The following MNAT1 variants were observed in gnomAD, a reference collection of about 807,000 sequenced individuals.
The protein encoded by MNAT1 is CDK-activating kinase assembly factor MAT1.
Under a neutral mutation model 42.0 loss-of-function variants are expected in MNAT1, and 43 were observed. That is an observed-to-expected ratio of 1.02 (90% confidence interval 0.80 to 1.32). The LOEUF (loss-of-function observed/expected upper bound fraction) is 1.32. Among genes scored for constraint, MNAT1 ranks in the 40% most tolerant of loss-of-function variants. The pLI is 0.00. For missense variants in MNAT1, 306 were observed against 350.4 expected (o/e 0.87, Z 1.01); for synonymous variants, 118 against 120.0 (o/e 0.98, Z 0.11).
chr14:60,814,813 C>G (rs1012345213), intron 5 of MNAT1, among the ~76,000 whole-genome samples: 15 of 152,104 alleles, frequency 9.9e-5, no homozygotes, highest in Non-Finnish European at 1.6e-4. Context: ...AATAATGACG[C>G]CTTCCCTAGC....
chr14:60,787,234 G>A (rs1238288393), intron 1 of MNAT1, among the ~76,000 whole-genome samples: 3 of 152,136 alleles, frequency 2.0e-5, no homozygotes, highest in Admixed American at 1.3e-4. Context: ...GCACAATAAA[G>A]TGTGTCACAC....
At chr14:60,925,153 A>T (rs1005088454) in intron 7 of MNAT1, among the ~76,000 whole-genome samples, 1 of 152,342 alleles carries the variant, frequency 6.6e-6, no homozygotes, top group South Asian at 2.1e-4. Context: ...TTCCCTAAAC[A>T]ATACACGACA....
At position 60,785,937 on chromosome 14, in the gene MNAT1, G is replaced by T. The variant is rs186504101; in HGVS notation, c.90-10280G>T. ...TGGATGCTTGATAAATATTGACCTA[G>T]AAGAAATAGTTTAAAAAATGAATTA... is the stretch of plus-strand genomic sequence containing the variant. On this transcript the variant is annotated intron_variant, in intron 1 of 7. Transcript: ENST00000261245. Among the ~76,000 whole-genome samples the T allele has an allele frequency of 4.2e-4, 64 of 152,106 alleles. 1 individual carries two copies. The highest frequency in any genetic ancestry group is 1.4e-3 in the African/African-American group (58 of 41,520).
intron 7 of MNAT1, chr14:60,880,152 T>G (rs1195371302): frequency 5.5e-6 from 1 of 182,480 alleles, no homozygotes; most frequent in Non-Finnish European, 1.1e-5. Flanking sequence ...ATTTAGTTAG[T>G]AGTAAGCCAA....
In MNAT1 at chr14:60,875,173, C is replaced by T. The variant is rs562405118; in HGVS notation, c.688-4541C>T. 3.2e-4 allele frequency among the ~76,000 whole-genome samples: 49 copies of T among 152,128 alleles called. 1 individual carries two copies. Among genetic ancestry groups the T allele is most frequent in the Admixed American group, 1.8e-3 (28 of 15,254 alleles). On this transcript the variant is annotated intron_variant, in intron 6 of 7. Coordinates refer to ENST00000261245, the MANE Select transcript of MNAT1 (RefSeq NM_002431.4). ...TATGGTATTTTATGTACCTGAGCTA[C>T]TAGAATTTATATAAAAAATTGGTTT...
Position 60,818,726 on chromosome 14 carries a change from G to A in MNAT1, c.566G>A (p.Ser189Asn). ...GAACTTGAACTATTCTTACAGGAGA[G>A]TTCTGATCTCCCTGTTGCTCTGCTT... ...NKQAFLDELE[S>N]SDLPVALLLA... The change falls in exon 6 of 8, where the codon AGT becomes AAT. Residue 189 changes from serine (S) to asparagine (N), a missense_variant. Physicochemically the swap from Ser to Asn is conservative, Grantham distance 46. Around this residue, in one of 3 missense-constraint regions of MNAT1, gnomAD observed 118 missense variants for 99.8 expected, o/e 1.18. Transcript: ENST00000261245. The A allele has an allele frequency of 6.2e-7, 1 of 1,606,888 alleles. No homozygotes were observed. The highest frequency in any genetic ancestry group is 8.5e-7 in the Non-Finnish European group (1 of 1,175,782).
chr14:60,805,584 CCT>C (rs1384069596), intron 3 of MNAT1, among the ~76,000 whole-genome samples: 3 of 152,168 alleles, frequency 2.0e-5, no homozygotes, highest in African/African-American at 7.2e-5. Flanking sequence ...TACCCCAACC[CCT>C]GACAAACACT....
Position 60,734,946 on chromosome 14 carries a change from C to A in MNAT1, c.84C>A (p.His28Gln). 1.9e-6 allele frequency: 3 copies of A among 1,614,158 alleles called. No homozygotes were observed. Among genetic ancestry groups the A allele is most frequent in the Non-Finnish European group, 2.5e-6 (3 of 1,179,994 alleles). Reference sequence around the variant, plus strand: ...AGCTGATGGTGAATGTGTGCGGACACACTCTGTGAGTTGGGCGGCAGTGGA... The same window carrying A: ...AGCTGATGGTGAATGTGTGCGGACAAACTCTGTGAGTTGGGCGGCAGTGGA... ...SLKLMVNVCG[H>Q]TLCESCVDLL... Residue 28 changes from histidine to glutamine, a missense_variant, in exon 1 of 8, where the codon CAC (histidine) becomes CAA (glutamine). His to Gln is a conservative substitution (Grantham distance 24, BLOSUM62 0). Coordinates refer to ENST00000261245, the MANE Select transcript of MNAT1 (RefSeq NM_002431.4). This position sits in a 1 kb window ranked among gnomAD's most constrained non-coding sequence, Gnocchi z 4.3.
intron 7 of MNAT1, among the ~76,000 whole-genome samples, chr14:60,901,806 G>A (rs1483392777): frequency 6.6e-6 from 1 of 152,164 alleles, no homozygotes; most frequent in Non-Finnish European, 1.5e-5. Flanking sequence ...ATGAGAAACT[G>A]ACTCTCAGGG....
intron 1 of MNAT1, among the ~76,000 whole-genome samples, chr14:60,792,792 A>C (rs2031870136): frequency 6.6e-6 from 1 of 152,226 alleles, no homozygotes. Context: ...AAAGGATGTC[A>C]TTCTGATTTT....
chr14:60,949,132 TA>T (rs1400561134), intron 7 of MNAT1, among the ~76,000 whole-genome samples: 1 of 152,202 alleles, frequency 6.6e-6, no homozygotes, highest in Non-Finnish European at 1.5e-5. Context: ...TTTTGAAAAT[TA>T]TTTTTGTTCC....
At chr14:60,809,393 G>A (rs962131493) in intron 4 of MNAT1, among the ~76,000 whole-genome samples, 1 of 151,964 alleles carries the variant, frequency 6.6e-6, no homozygotes, top group Non-Finnish European at 1.5e-5. Context: ...AGCTAGCCTA[G>A]CTTTCTTTTA....
Position 60,798,148 on chromosome 14 carries a change from G to A in MNAT1, c.304G>A (p.Val102Met), listed in dbSNP as rs1566770029. Reference protein sequence around the residue: ...LREYNDFLEEVEEIVFNLTNN... With the variant: ...LREYNDFLEEMEEIVFNLTNN... ...AGAATACAATGATTTCTTGGAAGAA[G>A]TGGAAGAAATTGGTACGTTTTTAAT... Residue 102 changes from valine (V) to methionine (M), a missense_variant, in exon 3 of 8, where the codon GTG (valine) becomes ATG (methionine). Physicochemically the swap from Val to Met is conservative, Grantham distance 21. Around this residue, in one of 3 missense-constraint regions of MNAT1, gnomAD observed 118 missense variants for 99.8 expected, o/e 1.18. Transcript: ENST00000261245. 3 of 1,510,190 alleles carry A rather than the reference G, an allele frequency of 2.0e-6. No homozygotes were observed. Among genetic ancestry groups the A allele is most frequent in the Admixed American group, 3.4e-5 (2 of 58,764 alleles). The allele number at this position is 1,510,190 out of a possible 1,614,324, so 93.5% of individuals were successfully genotyped here.
At chr14:60,911,198 A>G (rs1240988636) in intron 7 of MNAT1, among the ~76,000 whole-genome samples, 1 of 152,080 alleles carries the variant, frequency 6.6e-6, no homozygotes, top group Non-Finnish European at 1.5e-5. Flanking sequence ...TATTGCGTCT[A>G]TTTGATTCTT....
At chr14:60,840,043 C>T (rs940943008) in intron 6 of MNAT1, among the ~76,000 whole-genome samples, 6 of 152,334 alleles carry the variant, frequency 3.9e-5, no homozygotes, top group East Asian at 1.9e-4. Flanking sequence ...GCTGGAAAAG[C>T]GGCATCCTGC....
intron 6 of MNAT1, among the ~76,000 whole-genome samples, chr14:60,838,437 T>G (rs2033456261): frequency 2.6e-5 from 4 of 152,168 alleles, no homozygotes; most frequent in African/African-American, 7.2e-5. Flanking sequence ...GAGCCCTGAT[T>G]TTTTTTTCCT....
rs116486505 is a variant in MNAT1, at chr14:60,776,584, C to G, written c.90-19633C>G. 5.2e-3 allele frequency among the ~76,000 whole-genome samples: 790 copies of G among 152,106 alleles called. 7 individuals carry two copies. Among genetic ancestry groups the G allele is most frequent in the African/African-American group, 0.018 (751 of 41,484 alleles). ...GAAAACTGTCCTGGGGGGGGAGGAG[C>G]AGATACTTTTAGGGGAGGCCATAAC... On this transcript the variant is annotated intron_variant, in intron 1 of 7. Transcript: ENST00000261245.
At chr14:60,786,936 G>A (rs568260172) in intron 1 of MNAT1, among the ~76,000 whole-genome samples, 1 of 152,296 alleles carries the variant, frequency 6.6e-6, no homozygotes, top group South Asian at 2.1e-4. Context: ...TGGAAGTAAA[G>A]ACATACCTTA....
At chr14:60,888,453 T>C (rs1454365560) in intron 7 of MNAT1, among the ~76,000 whole-genome samples, 8 of 152,034 alleles carry the variant, frequency 5.3e-5, no homozygotes, top group Non-Finnish European at 1.2e-4. Flanking sequence ...TATCTCAAAA[T>C]AATAAGAGCT....
Sources: gnomAD v4.1 joint callset for allele counts (sites outside exome capture counted in the v4.1 genomes callset) on GRCh38, gnomAD v4.1.1 for gene constraint, gnomAD v4.1.1 regional missense constraint, Gnocchi (gnomAD v3.1) non-coding constraint, MANE v1.5 for transcripts, NCBI Gene and HGNC (gene_info 2026-07-23, HGNC 2026-07-21) for gene names.